AEBP2: variants seen among roughly 807,000 people sequenced by gnomAD.
AEBP2 encodes the protein zinc finger protein AEBP2.
In AEBP2, 10 loss-of-function variants were observed where a neutral mutation model predicts 50.8. The ratio of observed to expected loss-of-function variants is 0.20; its 90% CI spans 0.12 to 0.33. The LOEUF is 0.33. Ranked by LOEUF, AEBP2 falls within the 10% of genes least tolerant of loss-of-function variation. The pLI is 1.00. For missense variants in AEBP2, 570 were observed against 688.0 expected, an observed-to-expected ratio of 0.83 and a Z score of 1.92; for synonymous variants, 296 against 261.3, an observed-to-expected ratio of 1.13 and a Z score of -1.28.
At chr12:19,516,106 A>G (rs1056140252) in intron 7 of AEBP2, among the ~76,000 whole-genome samples, 14 of 152,166 alleles carry the variant, frequency 9.2e-5, no homozygotes, top group African/African-American at 2.7e-4. Flanking sequence ...TTTCTTCTCA[A>G]ACATCTTTTG....
At chr12:19,433,274 A>G (rs528588986) in intron 1 of AEBP2, among the ~76,000 whole-genome samples, 2 of 152,020 alleles carry the variant, frequency 1.3e-5, no homozygotes, top group African/African-American at 4.8e-5. Flanking sequence ...TGTAATCCCA[A>G]CTACTTGGGA....
At chr12:19,422,127 G>A (rs1348027759) in intron 1 of AEBP2, among the ~76,000 whole-genome samples, 1 of 152,168 alleles carries the variant, frequency 6.6e-6, no homozygotes. Context: ...GGGTGATAGA[G>A]CAAGACTCTG....
chr12:19,467,009 T>C (rs1948488612), intron 2 of AEBP2, among the ~76,000 whole-genome samples: 1 of 152,234 alleles, frequency 6.6e-6, no homozygotes, highest in Admixed American at 6.5e-5. Context: ...TGTGGACTTC[T>C]TTGGAGGCTG....
At chr12:19,482,819 G>A (rs1015749943) in intron 3 of AEBP2, among the ~76,000 whole-genome samples, 8 of 152,118 alleles carry the variant, frequency 5.3e-5, no homozygotes, top group African/African-American at 9.7e-5. Flanking sequence ...TGTTCCATAG[G>A]GGATTTTGGC....
chr12:19,462,489 G>A lies in AEBP2; in HGVS notation c.672-21G>A, dbSNP rs1175322432. ...TTAGTGAATTTCTAGGAATAACACA[G>A]CCTTTTTTCTTCTTTTGTAGCATAA... On this transcript the variant is annotated intron_variant, in intron 1 of 7. Transcript: ENST00000266508. 3.8e-6 allele frequency: 6 copies of A among 1,576,092 alleles called. No homozygotes were observed. The Admixed American group carries it at 7.3e-5, about 19-fold the overall frequency.
intron 5 of AEBP2, among the ~76,000 whole-genome samples, chr12:19,502,652 C>CT (rs373049492): frequency 0.074 from 10,575 of 142,900 alleles, 444 homozygotes; most frequent in South Asian, 0.21. Context: ...TTTGTCTATT[C>CT]TTTTTTTTTT....
At chr12:19,430,200 G>T (rs951586555) in intron 1 of AEBP2, among the ~76,000 whole-genome samples, 2 of 152,128 alleles carry the variant, frequency 1.3e-5, no homozygotes, top group Non-Finnish European at 2.9e-5. Flanking sequence ...CATATGGCTA[G>T]CCAGTTTTCC....
intron 1 of AEBP2, among the ~76,000 whole-genome samples, chr12:19,416,927 A>G (rs1161295229): frequency 6.7e-6 from 1 of 149,492 alleles, no homozygotes; most frequent in Non-Finnish European, 1.5e-5. Flanking sequence ...GCTGGAGTGC[A>G]GTGGCGTGAT....
At chr12:19,497,672 C>T (rs1949007883) in intron 4 of AEBP2, among the ~76,000 whole-genome samples, 1 of 152,044 alleles carries the variant, frequency 6.6e-6, no homozygotes, top group Admixed American at 6.6e-5. Flanking sequence ...GGGGTTTTAC[C>T]ATGTTGGCCA....
intron 2 of AEBP2, among the ~76,000 whole-genome samples, chr12:19,465,569 G>C (rs1304096795): frequency 1.3e-5 from 2 of 152,012 alleles, no homozygotes; most frequent in East Asian, 3.9e-4. Context: ...TGGTTTGTTT[G>C]TTTGTAGAGA....
At chr12:19,509,007 C>A in intron 5 of AEBP2, 141 of 512,270 alleles carry the variant, frequency 2.8e-4, no homozygotes, top group East Asian at 7.3e-4. Context: ...TACCTTTTTA[C>A]TAAGAACGTT....
chr12:19,437,824 A>G (rs577815512), upstream of AEBP2, among the ~76,000 whole-genome samples: 3 of 152,342 alleles, frequency 2.0e-5, no homozygotes, highest in East Asian at 1.9e-4. Flanking sequence ...AACATTTTAT[A>G]TAACAGTTGT....
At chr12:19,430,929 A>G (rs2638417) in intron 1 of AEBP2, among the ~76,000 whole-genome samples, 150,724 of 151,416 alleles carry the variant, frequency 1, 75,024 homozygotes, top group Middle Eastern at 1. Flanking sequence ...AGGCTGGGGC[A>G]GAAGGATAGC....
intron 3 of AEBP2, among the ~76,000 whole-genome samples, chr12:19,475,759 T>G (rs1221451131): frequency 6.6e-6 from 1 of 152,172 alleles, no homozygotes; most frequent in Non-Finnish European, 1.5e-5. Context: ...CATCTGTTGT[T>G]TTTTGCCTTT....
chr12:19,415,218 G>A (rs2095741566), intron 1 of AEBP2, among the ~76,000 whole-genome samples: 1 of 147,612 alleles, frequency 6.8e-6, no homozygotes, highest in Admixed American at 6.9e-5. Context: ...GGGGGCTGAC[G>A]TGGGAGAATC....
intron 1 of AEBP2, among the ~76,000 whole-genome samples, chr12:19,453,423 AC>A (rs1948202275): frequency 1.5e-5 from 2 of 135,552 alleles, no homozygotes; most frequent in Non-Finnish European, 3.3e-5. Context: ...TGACCTATAT[AC>A]TTTCTTTTTT....
At position 19,416,911 on chromosome 12, in the gene AEBP2, G is replaced by A. The variant is rs146602084; in HGVS notation, c.-17+12695G>A. Among the ~76,000 whole-genome samples, 29 of 143,844 alleles carry A rather than the reference G, an allele frequency of 2.0e-4. No homozygotes were observed. The East Asian group carries it at 4.7e-3, about 23-fold the overall frequency. The allele number at this position is 143,844 out of a possible 152,430, so 94.4% of individuals were successfully genotyped here. ...TTTTGAGTTGGAATCTCGCTCTGTC[G>A]CCCGGGCTGGAGTGCAGTGGCGTGA... On this transcript the variant is annotated intron_variant, in intron 1 of 3. Coordinates refer to the AEBP2 transcript ENST00000538425.
chr12:19,407,676 C>G (rs966376481), intron 1 of AEBP2, among the ~76,000 whole-genome samples: 22 of 152,008 alleles, frequency 1.4e-4, no homozygotes, highest in African/African-American at 5.3e-4. Flanking sequence ...TGGGCTCAAG[C>G]AATCCTTCTG....
intron 1 of AEBP2, chr12:19,413,389 A>T: frequency 9.6e-7 from 1 of 1,037,700 alleles, no homozygotes; most frequent in Non-Finnish European, 1.5e-6. Flanking sequence ...AAGCCAACAA[A>T]CAGAAAAGAC....
Sources: allele counts gnomAD v4.1 joint callset (sites outside exome capture counted in the v4.1 genomes callset), GRCh38; gene constraint gnomAD v4.1.1; transcripts MANE v1.5; gene names NCBI Gene and HGNC (gene_info 2026-07-23, HGNC 2026-07-21).